Variants in GPR37L1 observed in about 807,000 individuals in gnomAD.
GPR37L1 encodes G protein-coupled receptor 37-like 1.
In GPR37L1, 18 loss-of-function variants were observed where a neutral mutation model predicts 18.0. The ratio of observed to expected loss-of-function variants is 1.00; its 90% CI spans 0.69 to 1.49. The LOEUF (loss-of-function observed/expected upper bound fraction) is 1.49. Ranked by LOEUF, GPR37L1 falls within the 40% of genes most tolerant of loss-of-function variation. The probability of loss-of-function intolerance (pLI) is 0.00; values close to 1 mark genes in which losing one functional copy is unlikely to be tolerated. For missense variants in GPR37L1, 558 were observed against 615.1 expected (o/e 0.91, Z 0.98); for synonymous variants, 256 against 273.9 (o/e 0.93, Z 0.65).
intron 1 of GPR37L1, among the ~76,000 whole-genome samples, chr1:202,124,565 A>G (rs139663014): frequency 6.6e-6 from 1 of 152,354 alleles, no homozygotes; most frequent in African/African-American, 2.4e-5. Flanking sequence ...AAGACAAAAT[A>G]AGCAAACAGT....
Position 202,123,181 on chromosome 1 carries a change from C to T in GPR37L1, c.218C>T (p.Pro73Leu). ...GCGGAGTACCCCCGGCCCATTCACCCTGCTGGCCTGCAGCCAACCAAGCCC... is the reference window on the plus strand; with the variant it reads ...GCGGAGTACCCCCGGCCCATTCACCTTGCTGGCCTGCAGCCAACCAAGCCC... ...EWAEYPRPIHPAGLQPTKPLV... is the reference protein window; with the variant it reads ...EWAEYPRPIHLAGLQPTKPLV... Residue 73 changes from proline to leucine, a missense_variant, in exon 1 of 2, where the codon CCT becomes CTT. Physicochemically the swap from Pro to Leu is moderately conservative, Grantham distance 98. Coordinates refer to ENST00000367282, the MANE Select transcript of GPR37L1 (RefSeq NM_004767.5). 4 of 1,613,474 alleles carry T rather than the reference C, an allele frequency of 2.5e-6. No homozygotes were observed. Among genetic ancestry groups the T allele is most frequent in the Non-Finnish European group, 3.4e-6 (4 of 1,179,716 alleles).
At chr1:202,123,840 C>A (rs913321086) in intron 1 of GPR37L1, among the ~76,000 whole-genome samples, 8 of 152,090 alleles carry the variant, frequency 5.3e-5, no homozygotes, top group African/African-American at 1.9e-4. Context: ...CCAGCCCCAG[C>A]CTGATCTTCT....
chr1:202,126,813 G>A (rs1303837884), intron 1 of GPR37L1, among the ~76,000 whole-genome samples: 5 of 150,294 alleles, frequency 3.3e-5, no homozygotes, highest in Admixed American at 2.0e-4. Context: ...GGGCTTCTCC[G>A]GACAGGGCCA....
Position 202,128,676 on chromosome 1 carries a change from C to T in GPR37L1, c.*120C>T, listed in dbSNP as rs1297565702. On this transcript the variant is annotated 3_prime_UTR_variant, in exon 2 of 2. Coordinates refer to ENST00000367282, the MANE Select transcript of GPR37L1 (RefSeq NM_004767.5). ...CTGTCTAGGGATGGACTTGGTTCCT[C>T]TTGTCAAGGTTTGGGAATGTCAAAG... 7.5e-6 allele frequency: 5 copies of T among 665,850 alleles called. No individual in the cohort carries two copies. The highest frequency in any genetic ancestry group is 1.3e-5 in the Non-Finnish European group (5 of 387,226). 41.2% of individuals were successfully genotyped at this position (665,850 alleles called of 1,614,324 possible).
At chr1:202,124,803 A>G (rs2147804369) in intron 1 of GPR37L1, among the ~76,000 whole-genome samples, 1 of 152,286 alleles carries the variant, frequency 6.6e-6, no homozygotes, top group African/African-American at 2.4e-5. Context: ...AGCAGTGGGT[A>G]CAGTCCTTTC....
chr1:202,129,638 C>G lies in GPR37L1; in HGVS notation c.*1082C>G, dbSNP rs1654779622. ...GCCTGTGGCTGATGTTCAGAACAGC[C>G]TTGTGGCCGATGTTCAGAACAGCCT... On this transcript the variant is annotated 3_prime_UTR_variant, in exon 2 of 2. Coordinates refer to ENST00000367282, the MANE Select transcript of GPR37L1 (RefSeq NM_004767.5). The G allele has an allele frequency of 6.6e-6, 1 of 152,182 alleles. No individual in the cohort carries two copies. The highest frequency in any genetic ancestry group is 1.5e-5 in the Non-Finnish European group (1 of 68,074). 9.4% of individuals were successfully genotyped at this position (152,182 alleles called of 1,614,324 possible).
intron 1 of GPR37L1, among the ~76,000 whole-genome samples, chr1:202,127,279 T>TTTCCTTCCTTCCTTACTTCCTTCC (rs1654691721): frequency 7.0e-6 from 1 of 142,640 alleles, no homozygotes; most frequent in Non-Finnish European, 1.5e-5. Flanking sequence ...TCCTTCCTTC[T>TTTCCTTCCTTCCTTACTTCCTTCC]TTCCTTCCTT....
rs941945116 is a variant in GPR37L1, at chr1:202,133,405, C to A, written c.*4849C>A. On this transcript the variant is annotated 3_prime_UTR_variant, in exon 2 of 2. Coordinates refer to ENST00000367282, the MANE Select transcript of GPR37L1 (RefSeq NM_004767.5). Reference sequence around the variant, plus strand: ...AAGTAACCAGCACCATACACCCCCCCCAACACAAAACTGGTCATTTATTTT... The same window carrying A: ...AAGTAACCAGCACCATACACCCCCCACAACACAAAACTGGTCATTTATTTT... The A allele has an allele frequency of 6.6e-6, 1 of 152,132 alleles. No homozygotes were observed. Among genetic ancestry groups the A allele is most frequent in the Non-Finnish European group, 1.5e-5 (1 of 68,034 alleles). The allele number at this position is 152,132 out of a possible 1,614,324, so 9.4% of individuals were successfully genotyped here. A position where few individuals can be genotyped will look rare whatever the true frequency, so the allele number is the denominator to read the frequency against.
Position 202,129,481 on chromosome 1 carries a change from G to A in GPR37L1, c.*925G>A, listed in dbSNP as rs1264243918. 4 of 152,204 alleles carry A rather than the reference G, an allele frequency of 2.6e-5. No homozygotes were observed. The highest frequency in any genetic ancestry group is 1.3e-4 in the Admixed American group (2 of 15,288). The allele number at this position is 152,204 out of a possible 1,614,324, so 9.4% of individuals were successfully genotyped here. On this transcript the variant is annotated 3_prime_UTR_variant, in exon 2 of 2. Transcript: ENST00000367282. ...TGCTTTCCCATAGGAGGCCCTTCTT[G>A]AGAAACAATAAACTAGGTAGAACTA...
Position 202,130,703 on chromosome 1 carries a change from G to C in GPR37L1, c.*2147G>C, listed in dbSNP as rs893478737. ...AGAGGGGACCAAAGGCAGGCCTGTC[G>C]TGCTGAAGCTCTTGGGGACCGTTTC... is the stretch of plus-strand genomic sequence containing the variant. On this transcript the variant is annotated 3_prime_UTR_variant, in exon 2 of 2. Coordinates refer to ENST00000367282, the MANE Select transcript of GPR37L1 (RefSeq NM_004767.5). 1 of 152,330 alleles carries C rather than the reference G, an allele frequency of 6.6e-6. No homozygotes were observed. Among genetic ancestry groups the C allele is most frequent in the Admixed American group, 6.5e-5 (1 of 15,276 alleles). The allele number at this position is 152,330 out of a possible 1,614,324, so 9.4% of individuals were successfully genotyped here.
intron 1 of GPR37L1, among the ~76,000 whole-genome samples, chr1:202,125,288 T>G (rs1654630948): frequency 6.6e-6 from 1 of 152,082 alleles, no homozygotes; most frequent in Admixed American, 6.6e-5. Flanking sequence ...CAGACTAGAT[T>G]AGAAACTGGG....
chr1:202,128,583 G>A lies in GPR37L1; in HGVS notation c.*27G>A. 1.2e-6 allele frequency: 1 copy of A among 831,418 alleles called. No homozygotes were observed. Among genetic ancestry groups the A allele is most frequent in the Non-Finnish European group, 1.8e-6 (1 of 541,408 alleles). 51.5% of individuals were successfully genotyped at this position (831,418 alleles called of 1,614,324 possible). A position where few individuals can be genotyped will look rare whatever the true frequency, so the allele number is the denominator to read the frequency against. ...GCCCCAGTAGGGGTGGGGAGGGAGG[G>A]AGAGGCCGCCACCCCCGCCGGTGTC... On this transcript the variant is annotated 3_prime_UTR_variant, in exon 2 of 2. Transcript: ENST00000367282.
rs1413401982 is a variant in GPR37L1 at position 202,129,427 on chromosome 1, G to C, written c.*871G>C. The C allele has an allele frequency of 6.6e-6, 1 of 152,534 alleles. No homozygotes were observed. Among genetic ancestry groups the C allele is most frequent in the Non-Finnish European group, 1.5e-5 (1 of 68,370 alleles). 9.4% of individuals were successfully genotyped at this position (152,534 alleles called of 1,614,324 possible). A position where few individuals can be genotyped will look rare whatever the true frequency, so the allele number is the denominator to read the frequency against. On this transcript the variant is annotated 3_prime_UTR_variant, in exon 2 of 2. Coordinates refer to ENST00000367282, the MANE Select transcript of GPR37L1 (RefSeq NM_004767.5). ...CCTCCTCCTTTCTTTGGGATCCCTG[G>C]GTTGCCCTGTCCCAACCTCCTTGTT...
At position 202,128,447 on chromosome 1, in the gene GPR37L1, C is replaced by A; in HGVS notation, c.1337C>A (p.Ser446Tyr). The change falls in exon 2 of 2, where the codon TCT becomes TAT. Residue 446 changes from serine to tyrosine, a missense_variant. Ser to Tyr is a moderately radical substitution (Grantham distance 144). Transcript: ENST00000367282. ...GAGTGCGGCGGGGCTTCGGAGGCCT[C>A]TGCTGCCAATGGGTCGGACAACAAG... ...CEECGGASEA[S>Y]AANGSDNKLK... 1 of 1,610,520 alleles carries A rather than the reference C, an allele frequency of 6.2e-7. No individual in the cohort carries two copies. The highest frequency in any genetic ancestry group is 8.5e-7 in the Non-Finnish European group (1 of 1,178,448).
chr1:202,130,239 AC>A lies in GPR37L1; in HGVS notation c.*1690del, dbSNP rs557539679. 0.024 allele frequency: 3,687 copies of A among 151,086 alleles called. 79 individuals carry two copies. The highest frequency in any genetic ancestry group is 0.034 in the Non-Finnish European group (2,306 of 67,870). 9.4% of individuals were successfully genotyped at this position (151,086 alleles called of 1,614,324 possible). A position where few individuals can be genotyped will look rare whatever the true frequency, so the allele number is the denominator to read the frequency against. ...TGGGAGCTCAGCTTTCCTCAGAACC[AC>A]CCCCCCTGTCTGAAGCTCTGTCCTG... On this transcript the variant is annotated 3_prime_UTR_variant, in exon 2 of 2. Transcript: ENST00000367282.
In GPR37L1 at chr1:202,132,315, A is replaced by G. The variant is rs12069950; in HGVS notation, c.*3759A>G. 38,172 of 152,160 alleles carry G rather than the reference A, an allele frequency of 0.25. 5,160 individuals carry two copies. The highest frequency in any genetic ancestry group is 0.37 in the East Asian group (1,920 of 5,158). The allele number at this position is 152,160 out of a possible 1,614,324, so 9.4% of individuals were successfully genotyped here. On this transcript the variant is annotated 3_prime_UTR_variant, in exon 2 of 2. Coordinates refer to ENST00000367282, the MANE Select transcript of GPR37L1 (RefSeq NM_004767.5). ...CCATTCAACCTCCTTAGCCAGGAGGACATGTCCCATTTTGCTTAGGAGTTG... is the reference window on the plus strand; with the variant it reads ...CCATTCAACCTCCTTAGCCAGGAGGGCATGTCCCATTTTGCTTAGGAGTTG...
At chr1:202,126,275 GC>G (rs981052286) in intron 1 of GPR37L1, among the ~76,000 whole-genome samples, 6 of 152,062 alleles carry the variant, frequency 3.9e-5, no homozygotes, top group Non-Finnish European at 5.9e-5. Flanking sequence ...GGGTGTGGTG[GC>G]GCACACCTAT....
In GPR37L1 at chr1:202,128,598, C is replaced by T. The variant is rs535953735; in HGVS notation, c.*42C>T. On this transcript the variant is annotated 3_prime_UTR_variant, in exon 2 of 2. Coordinates refer to ENST00000367282, the MANE Select transcript of GPR37L1 (RefSeq NM_004767.5). ...GGGAGGGAGGGAGAGGCCGCCACCCCCGCCGGTGTCTGCTGTTCTTTCCCC... is the reference window on the plus strand; with the variant it reads ...GGGAGGGAGGGAGAGGCCGCCACCCTCGCCGGTGTCTGCTGTTCTTTCCCC... 2.6e-5 allele frequency: 31 copies of T among 1,171,076 alleles called. No individual in the cohort carries two copies. In the African/African-American group the frequency reaches 4.4e-4, roughly 17 times the overall value. The allele number at this position is 1,171,076 out of a possible 1,614,324, so 72.5% of individuals were successfully genotyped here.
In GPR37L1 at chr1:202,128,873, T is replaced by A; in HGVS notation, c.*317T>A. On this transcript the variant is annotated 3_prime_UTR_variant, in exon 2 of 2. Coordinates refer to ENST00000367282, the MANE Select transcript of GPR37L1 (RefSeq NM_004767.5). Reference sequence around the variant, plus strand: ...TCCCTTGGTTCCAGTCTCTCTTCTCTCTCTCTGCCTTGGAACCTGACCATA... The same window carrying A: ...TCCCTTGGTTCCAGTCTCTCTTCTCACTCTCTGCCTTGGAACCTGACCATA... 1 of 272,210 alleles carries A rather than the reference T, an allele frequency of 3.7e-6. No individual in the cohort carries two copies. Among genetic ancestry groups the A allele is most frequent in the Non-Finnish European group, 6.9e-6 (1 of 144,640 alleles). 16.9% of individuals were successfully genotyped at this position (272,210 alleles called of 1,614,324 possible).
Sources: gnomAD v4.1 joint callset for allele counts (sites outside exome capture counted in the v4.1 genomes callset) on GRCh38, gnomAD v4.1.1 for gene constraint, MANE v1.5 for transcripts, NCBI Gene and HGNC (gene_info 2026-07-23, HGNC 2026-07-21) for gene names.